DRC11: variants seen among roughly 807,000 people sequenced by gnomAD.
DRC11 encodes the protein dynein regulatory complex subunit 11.
At chr2:236,339,682 T>C in the DRC11 span, among the ~76,000 whole-genome samples, 2 of 152,238 alleles carry the variant, frequency 1.3e-5, no homozygotes, top group African/African-American at 4.8e-5. Flanking sequence ...CTGAATTGAA[T>C]TGTCTTTGCA....
the DRC11 span, among the ~76,000 whole-genome samples, chr2:236,382,464 T>A: frequency 1.3e-5 from 2 of 152,234 alleles, no homozygotes; most frequent in African/African-American, 4.8e-5. Context: ...TTAGAATAAA[T>A]TTGTCTATGT....
chr2:236,339,504 T>G, the DRC11 span, among the ~76,000 whole-genome samples: 1 of 152,240 alleles, frequency 6.6e-6, no homozygotes, highest in African/African-American at 2.4e-5. Flanking sequence ...TCACAAAATT[T>G]ATGCCTATAT....
At chr2:236,410,977 T>C in the DRC11 span, among the ~76,000 whole-genome samples, 3 of 146,068 alleles carry the variant, frequency 2.1e-5, no homozygotes, top group Admixed American at 6.9e-5. Flanking sequence ...ATTCAGGACA[T>C]AGGCATGGGC....
At chr2:236,316,785 G>T in the DRC11 span, among the ~76,000 whole-genome samples, 1 of 152,232 alleles carries the variant, frequency 6.6e-6, no homozygotes, top group South Asian at 2.1e-4. The surrounding 1 kb of genome is among the most constrained non-coding windows in gnomAD (Gnocchi z 6.8). Flanking sequence ...GAAGGATGTG[G>T]AGTAGTGGGA....
chr2:236,336,417 ACCACCACCACTGCCACCACGG>A, the DRC11 span, among the ~76,000 whole-genome samples: 55,730 of 147,352 alleles, frequency 0.38, 11,435 homozygotes, highest in African/African-American at 0.48. The surrounding 1 kb of genome is among the most constrained non-coding windows in gnomAD (Gnocchi z 7.3). Flanking sequence ...CATGCTGACC[ACCACCACCACTGCCACCACGG>A]CCACCACCAC....
chr2:236,342,473 C>A, the DRC11 span, among the ~76,000 whole-genome samples: 1 of 152,148 alleles, frequency 6.6e-6, no homozygotes, highest in Non-Finnish European at 1.5e-5. This position sits in a 1 kb window ranked among gnomAD's most constrained non-coding sequence, Gnocchi z 5.8. Context: ...GGCAGAGGAT[C>A]TTGGGTGAGA....
chr2:236,357,712 GTATT>G, the DRC11 span, among the ~76,000 whole-genome samples: 1 of 119,888 alleles, frequency 8.3e-6, no homozygotes, highest in African/African-American at 3.3e-5. Flanking sequence ...ATGTAAATAT[GTATT>G]TATAATATAT....
At chr2:236,457,695 T>C in the DRC11 span, among the ~76,000 whole-genome samples, 3 of 152,128 alleles carry the variant, frequency 2.0e-5, no homozygotes, top group Admixed American at 6.5e-5. This position sits in a 1 kb window ranked among gnomAD's most constrained non-coding sequence, Gnocchi z 4.7. Flanking sequence ...AGAAGGAGAT[T>C]AGACGCACAT....
At chr2:236,488,906 GGGCCTGTGTGGGCTCTGGGTGCAGGTGA>G in the DRC11 span, among the ~76,000 whole-genome samples, 1 of 151,822 alleles carries the variant, frequency 6.6e-6, no homozygotes, top group East Asian at 1.9e-4. Context: ...GTGCATGCTG[GGGCCTGTGTGGGCTCTGGGTGCAGGTGA>G]GGCCTGTGTG....
the DRC11 span, among the ~76,000 whole-genome samples, chr2:236,410,092 C>A: frequency 2.6e-5 from 4 of 151,400 alleles, no homozygotes; most frequent in Non-Finnish European, 4.4e-5. Flanking sequence ...TGTCTCTGCC[C>A]GGCTTTGGTA....
At chr2:236,372,821 A>C in the DRC11 span, among the ~76,000 whole-genome samples, 1 of 152,104 alleles carries the variant, frequency 6.6e-6, no homozygotes, top group Admixed American at 6.5e-5. This position sits in a 1 kb window ranked among gnomAD's most constrained non-coding sequence, Gnocchi z 4.5. Context: ...CTATGTTGCT[A>C]GGCTGATCTC....
chr2:236,316,748 A>G, the DRC11 span, among the ~76,000 whole-genome samples: 13 of 152,298 alleles, frequency 8.5e-5, no homozygotes, highest in African/African-American at 2.9e-4. The surrounding 1 kb of genome is among the most constrained non-coding windows in gnomAD (Gnocchi z 6.8). Context: ...AGTGGGGACA[A>G]TGAAAACGCC....
At chr2:236,459,520 TGTATACATGTATACGTATAC>T in the DRC11 span, among the ~76,000 whole-genome samples, 6 of 114,004 alleles carry the variant, frequency 5.3e-5, no homozygotes, top group East Asian at 3.1e-4. Flanking sequence ...TACGTATACA[TGTATACATGTATACGTATAC>T]GTATACGTAT....
the DRC11 span, among the ~76,000 whole-genome samples, chr2:236,491,188 GTATATATATATATA>G: frequency 4.0e-5 from 1 of 24,774 alleles, no homozygotes; most frequent in South Asian, 9.8e-4. Context: ...TATACACACA[GTATATATATATATA>G]TATATATATA....
chr2:236,419,482 G>A, the DRC11 span, among the ~76,000 whole-genome samples: 2 of 152,330 alleles, frequency 1.3e-5, no homozygotes, highest in Middle Eastern at 3.4e-3. This position sits in a 1 kb window ranked among gnomAD's most constrained non-coding sequence, Gnocchi z 4.8. Context: ...AGCAGCCTCA[G>A]TGTAGATGGA....
the DRC11 span, among the ~76,000 whole-genome samples, chr2:236,358,664 G>C: frequency 9.6e-5 from 14 of 146,018 alleles, no homozygotes; most frequent in Non-Finnish European, 2.1e-4. Context: ...ACATGCTAAG[G>C]CGTTTTACAC....
chr2:236,450,314 C>CTTTTTTTTTTTTTTTTTTTTTTTT, the DRC11 span, among the ~76,000 whole-genome samples: 1 of 82,378 alleles, frequency 1.2e-5, no homozygotes. Flanking sequence ...CTTTTCTTTT[C>CTTTTTTTTTTTTTTTTTTTTTTTT]TTTTTTTTTT....
the DRC11 span, among the ~76,000 whole-genome samples, chr2:236,347,748 G>A: frequency 7.3e-4 from 111 of 151,854 alleles, no homozygotes; most frequent in African/African-American, 2.6e-3. Flanking sequence ...TACAAAAAGG[G>A]TGCAGTGTAT....
At chr2:236,404,075 C>T in the DRC11 span, among the ~76,000 whole-genome samples, 1 of 151,176 alleles carries the variant, frequency 6.6e-6, no homozygotes, top group East Asian at 1.9e-4. Context: ...AGCCATGACC[C>T]GAGTTCTGAT....
Sources: allele counts gnomAD v4.1 joint callset (sites outside exome capture counted in the v4.1 genomes callset), GRCh38; gene constraint gnomAD v4.1.1; non-coding constraint Gnocchi (gnomAD v3.1); transcripts MANE v1.5; gene names NCBI Gene and HGNC (gene_info 2026-07-23, HGNC 2026-07-21).